Variants in NOX4 observed in about 807,000 individuals in gnomAD.
NOX4 encodes the protein kidney oxidase-1.
Under a neutral mutation model 87.6 loss-of-function variants are expected in NOX4, and 69 were observed. The observed-to-expected ratio is 0.79, with a 90% CI of 0.65 to 0.96. The LOEUF is 0.96. NOX4 is among the 40% of genes least tolerant of loss of function. The pLI is 0.00. For missense variants in NOX4, 680 were observed against 681.5 expected, an observed-to-expected ratio of 1.00 and a Z score of 0.02; for synonymous variants, 275 against 238.2, an observed-to-expected ratio of 1.15 and a Z score of -1.42.
chr11:89,396,060 T>C (rs1941461823), intron 11 of NOX4, among the ~76,000 whole-genome samples: 2 of 152,164 alleles, frequency 1.3e-5, no homozygotes, highest in Admixed American at 6.6e-5. Flanking sequence ...GGTAGCTTGA[T>C]GGGGATGGCA....
At chr11:89,504,962 T>C in the NOX4 span, among the ~76,000 whole-genome samples, 1 of 151,974 alleles carries the variant, frequency 6.6e-6, no homozygotes, top group Non-Finnish European at 1.5e-5. Flanking sequence ...ATTTCAAACA[T>C]GTCAAGCTGG....
At chr11:89,572,279 C>G in the NOX4 span, among the ~76,000 whole-genome samples, 2 of 152,228 alleles carry the variant, frequency 1.3e-5, no homozygotes, top group Admixed American at 6.5e-5. Flanking sequence ...ATATTCAGAT[C>G]TGCAATCCAC....
chr11:89,459,163 T>C (rs966466663), intron 2 of NOX4, among the ~76,000 whole-genome samples: 1 of 151,976 alleles, frequency 6.6e-6, no homozygotes, highest in African/African-American at 2.4e-5. Flanking sequence ...GCAAGAAATA[T>C]GAATGGCCTG....
At chr11:89,452,817 C>A (rs112881942) in intron 2 of NOX4, among the ~76,000 whole-genome samples, 87 of 152,156 alleles carry the variant, frequency 5.7e-4, no homozygotes, top group African/African-American at 1.9e-3. Context: ...TAGGTTCAAG[C>A]TATCCTCCTG....
chr11:89,525,672 T>A, the NOX4 span, among the ~76,000 whole-genome samples: 1 of 152,098 alleles, frequency 6.6e-6, no homozygotes, highest in African/African-American at 2.4e-5. Context: ...TTGTAACTTG[T>A]CTTTTTATTT....
intron 7 of NOX4, among the ~76,000 whole-genome samples, chr11:89,422,437 GTTATA>G (rs1323021119): frequency 6.6e-6 from 1 of 152,068 alleles, no homozygotes; most frequent in Non-Finnish European, 1.5e-5. Flanking sequence ...CGACCAAAGT[GTTATA>G]TTTTTTCCTG....
rs915632744 is a variant in NOX4, at chr11:89,444,289, G to T, written c.350-57C>A. The T allele has an allele frequency of 9.9e-6, 14 of 1,420,676 alleles. No homozygotes were observed. In the African/African-American group the frequency reaches 1.8e-4, roughly 19 times the overall value. 88.0% of individuals were successfully genotyped at this position (1,420,676 alleles called of 1,614,324 possible). A position where few individuals can be genotyped will look rare whatever the true frequency, so the allele number is the denominator to read the frequency against. ...GATTTGCATATATGCTCTATGTCAA[G>T]GACTCAGTTCTTCCTCTCCCTAAGT... On this transcript the variant is annotated intron_variant, in intron 4 of 17. Transcript: ENST00000263317.
At chr11:89,400,769 A>T (rs1941795613) in intron 9 of NOX4, among the ~76,000 whole-genome samples, 1 of 151,728 alleles carries the variant, frequency 6.6e-6, no homozygotes, top group Non-Finnish European at 1.5e-5. Context: ...ATAAGGTAAC[A>T]GTCTAATGTT....
At position 89,361,792 on chromosome 11, in the gene NOX4, G is replaced by C. The variant is rs1265229088; in HGVS notation, c.1136-6749C>G. On this transcript the variant is annotated intron_variant, in intron 12 of 17. Transcript: ENST00000263317. ...TTTATTTTTAATTAAATATTAATAA[G>C]AAAATAAGCTAGGGGTCATGTAGTT... Among the ~76,000 whole-genome samples the C allele has an allele frequency of 2.6e-5, 4 of 151,904 alleles. No homozygotes were observed. The East Asian group carries it at 7.8e-4, about 29-fold the overall frequency.
intron 17 of NOX4, among the ~76,000 whole-genome samples, chr11:89,334,612 C>CTT (rs1160005704): frequency 6.6e-6 from 1 of 151,420 alleles, no homozygotes; most frequent in Non-Finnish European, 1.5e-5. Context: ...AAAAAATATC[C>CTT]ATTTAATAAG....
chr11:89,345,247 T>C (rs1418063710), intron 13 of NOX4, among the ~76,000 whole-genome samples: 1 of 152,156 alleles, frequency 6.6e-6, no homozygotes, highest in Non-Finnish European at 1.5e-5. Flanking sequence ...CAGGAGCTAC[T>C]GATGTTGCTG....
chr11:89,501,320 G>A (rs374553397), upstream of NOX4, among the ~76,000 whole-genome samples: 7 of 152,132 alleles, frequency 4.6e-5, no homozygotes, highest in South Asian at 8.3e-4. Context: ...ATATCCCAAT[G>A]AGCATGAACG....
intron 2 of NOX4, among the ~76,000 whole-genome samples, chr11:89,490,193 T>A (rs1946795297): frequency 6.6e-6 from 1 of 152,306 alleles, no homozygotes; most frequent in South Asian, 2.1e-4. Context: ...AAGTAGCAAT[T>A]TTTTTAAGGC....
Position 89,373,483 on chromosome 11 carries a change from C to T in NOX4, c.1084G>A (p.Glu362Lys), listed in dbSNP as rs1939609294. The change falls in exon 12 of 18, where the codon GAA (glutamate) becomes AAA (lysine). Residue 362 changes from glutamate to lysine, a missense_variant. Glu to Lys is a moderately conservative substitution (Grantham distance 56). Coordinates refer to ENST00000263317, the MANE Select transcript of NOX4 (RefSeq NM_016931.5). Reference protein sequence around the residue: ...HPFTLTMCPTETKATFGVHLK... With the variant: ...HPFTLTMCPTKTKATFGVHLK... ...TGAACCCCAAATGTTGCTTTGGTTTCAGTTGGACACTAAAAAAAAATACTA... is the reference window on the plus strand; with the variant it reads ...TGAACCCCAAATGTTGCTTTGGTTTTAGTTGGACACTAAAAAAAAATACTA... 1.3e-6 allele frequency: 2 copies of T among 1,583,736 alleles called. No homozygotes were observed. The highest frequency in any genetic ancestry group is 1.7e-6 in the Non-Finnish European group (2 of 1,153,966).
intron 11 of NOX4, among the ~76,000 whole-genome samples, chr11:89,396,680 T>C (rs1477107929): frequency 2.6e-5 from 4 of 152,016 alleles, no homozygotes; most frequent in Non-Finnish European, 4.4e-5. Flanking sequence ...TAGTCTCTGA[T>C]AAAACAGACT....
intron 11 of NOX4, among the ~76,000 whole-genome samples, chr11:89,375,520 C>A (rs114302975): frequency 0.02 from 2,972 of 152,190 alleles, 80 homozygotes; most frequent in East Asian, 0.13. Flanking sequence ...GTTGCCCAGG[C>A]TGATCTGAAA....
upstream of NOX4, among the ~76,000 whole-genome samples, chr11:89,494,695 T>A (rs949452957): frequency 6.6e-6 from 1 of 152,182 alleles, no homozygotes; most frequent in African/African-American, 2.4e-5. Flanking sequence ...AGCTTGACAA[T>A]TAATGACCAG....
intron 2 of NOX4, among the ~76,000 whole-genome samples, chr11:89,463,801 C>A (rs1777313910): frequency 6.6e-6 from 1 of 151,898 alleles, no homozygotes; most frequent in African/African-American, 2.4e-5. Flanking sequence ...ATAATACCTT[C>A]TGGACTATCT....
intron 7 of NOX4, among the ~76,000 whole-genome samples, chr11:89,426,643 A>G (rs1345841148): frequency 6.6e-6 from 1 of 152,132 alleles, no homozygotes; most frequent in African/African-American, 2.4e-5. Flanking sequence ...GCAGTCTGAG[A>G]TCGAAATGCA....
Sources: allele counts gnomAD v4.1 joint callset (sites outside exome capture counted in the v4.1 genomes callset), GRCh38; gene constraint gnomAD v4.1.1; transcripts MANE v1.5; gene names NCBI Gene and HGNC (gene_info 2026-07-23, HGNC 2026-07-21).